The following PRKCA variants were observed in gnomAD, a reference collection of about 807,000 sequenced individuals.
PRKCA encodes protein kinase C alpha type.
In PRKCA, 27 loss-of-function variants were observed where a neutral mutation model predicts 87.0. The observed-to-expected ratio is 0.31, with a 90% confidence interval of 0.23 to 0.43. The LOEUF is 0.43. Among genes scored for constraint, PRKCA ranks in the 20% least tolerant of loss-of-function variants. The probability of loss-of-function intolerance (pLI) is 1.00; values close to 1 mark genes in which losing one functional copy is unlikely to be tolerated. For synonymous variants in PRKCA, 329 were observed against 311.1 expected (o/e 1.06, Z -0.61); for missense variants, 518 against 852.3 (o/e 0.61, Z 4.88).
intron 3 of PRKCA, among the ~76,000 whole-genome samples, chr17:66,579,501 C>T (rs1431008707): frequency 6.6e-6 from 1 of 152,204 alleles, no homozygotes; most frequent in Non-Finnish European, 1.5e-5. Flanking sequence ...ATCACGTCCT[C>T]ATACGACACT....
At chr17:66,519,357 G>T (rs147405073) in intron 3 of PRKCA, among the ~76,000 whole-genome samples, 1 of 152,146 alleles carries the variant, frequency 6.6e-6, no homozygotes, top group Non-Finnish European at 1.5e-5. Context: ...GTTTTTATTA[G>T]CAAGTTTATA....
At chr17:66,620,959 A>C (rs1456664607) in intron 3 of PRKCA, among the ~76,000 whole-genome samples, 2 of 152,222 alleles carry the variant, frequency 1.3e-5, no homozygotes, top group Non-Finnish European at 2.9e-5. Flanking sequence ...CAATGGGGTA[A>C]AAATAAGTCT....
chr17:66,607,765 G>T (rs1026475924), intron 3 of PRKCA, among the ~76,000 whole-genome samples: 7 of 152,096 alleles, frequency 4.6e-5, no homozygotes, highest in African/African-American at 1.4e-4. Flanking sequence ...AGATTCCAAC[G>T]TGCAGGGTTT....
intron 2 of PRKCA, among the ~76,000 whole-genome samples, chr17:66,404,711 C>CCCATGCTG (rs1402084127): frequency 7.0e-6 from 1 of 143,284 alleles, no homozygotes; most frequent in Admixed American, 7.1e-5. Flanking sequence ...TCCACACACT[C>CCCATGCTG]CCATGCTGGC....
chr17:66,533,046 C>T (rs569776194), intron 3 of PRKCA, among the ~76,000 whole-genome samples: 2 of 152,288 alleles, frequency 1.3e-5, no homozygotes, highest in African/African-American at 4.8e-5. Flanking sequence ...ACACTTCAGT[C>T]CTTTGGAAGT....
At chr17:66,606,861 G>T (rs1219098527) in intron 3 of PRKCA, among the ~76,000 whole-genome samples, 4 of 151,820 alleles carry the variant, frequency 2.6e-5, no homozygotes, top group African/African-American at 9.7e-5. Context: ...CATTTATGTG[G>T]TCATTTAAAA....
chr17:66,423,327 G>A (rs1041471546), intron 2 of PRKCA, among the ~76,000 whole-genome samples: 1 of 152,148 alleles, frequency 6.6e-6, no homozygotes, highest in South Asian at 2.1e-4. Flanking sequence ...ATGCACCATA[G>A]TGAAAAGTTG....
At chr17:66,307,076 T>A (rs1904854460) in intron 2 of PRKCA, among the ~76,000 whole-genome samples, 1 of 152,184 alleles carries the variant, frequency 6.6e-6, no homozygotes, top group Non-Finnish European at 1.5e-5. Context: ...AGTAAATTGG[T>A]TGCCTTTTAA....
chr17:66,531,938 A>G (rs1402009804), intron 3 of PRKCA, among the ~76,000 whole-genome samples: 1 of 152,118 alleles, frequency 6.6e-6, no homozygotes, highest in Non-Finnish European at 1.5e-5. Flanking sequence ...TTTCCCAGAG[A>G]GGAGCTGTGT....
chr17:66,325,459 TA>T (rs950924081), intron 2 of PRKCA, among the ~76,000 whole-genome samples: 2 of 151,724 alleles, frequency 1.3e-5, no homozygotes, highest in African/African-American at 2.4e-5. Flanking sequence ...CGCCCCACTT[TA>T]AAAAAAAATC....
At chr17:66,508,691 C>G (rs1917082542) in intron 3 of PRKCA, among the ~76,000 whole-genome samples, 1 of 152,160 alleles carries the variant, frequency 6.6e-6, no homozygotes, top group Non-Finnish European at 1.5e-5. Flanking sequence ...TTTCCAAGTG[C>G]TACGAGTTCT....
At chr17:66,743,203 G>A (rs8075211) in intron 13 of PRKCA, among the ~76,000 whole-genome samples, 38,551 of 152,020 alleles carry the variant, frequency 0.25, 5,620 homozygotes, top group African/African-American at 0.39. Context: ...GTGCACACCT[G>A]TAATACCTAG....
chr17:66,620,555 AT>A (rs1416420701), intron 3 of PRKCA, among the ~76,000 whole-genome samples: 14 of 152,308 alleles, frequency 9.2e-5, no homozygotes. Flanking sequence ...TAAACATGTC[AT>A]TTCAACAAAG....
chr17:66,522,837 C>T (rs1430008878), intron 3 of PRKCA, among the ~76,000 whole-genome samples: 1 of 151,378 alleles, frequency 6.6e-6, no homozygotes, highest in East Asian at 1.9e-4. Context: ...GAAGCCAGGC[C>T]CCAAAGGAAG....
At chr17:66,357,873 G>A (rs536143998) in intron 2 of PRKCA, among the ~76,000 whole-genome samples, 23 of 152,220 alleles carry the variant, frequency 1.5e-4, no homozygotes, top group Admixed American at 1.1e-3. Flanking sequence ...GATTCTAAAC[G>A]GTACCTTGGA....
chr17:66,527,393 T>C (rs1967382618), intron 3 of PRKCA, among the ~76,000 whole-genome samples: 1 of 152,204 alleles, frequency 6.6e-6, no homozygotes, highest in Non-Finnish European at 1.5e-5. Flanking sequence ...AGGCGACAAA[T>C]TGCAGATTAG....
At chr17:66,582,413 G>A (rs1969470909) in intron 3 of PRKCA, among the ~76,000 whole-genome samples, 1 of 152,158 alleles carries the variant, frequency 6.6e-6, no homozygotes, top group African/African-American at 2.4e-5. Context: ...GTGGTGCCAG[G>A]TGGAGATAAT....
intron 5 of PRKCA, among the ~76,000 whole-genome samples, chr17:66,664,777 C>T (rs1319348640): frequency 1.3e-5 from 2 of 151,162 alleles, no homozygotes; most frequent in Non-Finnish European, 2.9e-5. Flanking sequence ...CTGCCTCAGC[C>T]CCTGTAGCTG....
In PRKCA at chr17:66,738,852, C is replaced by T. The variant is rs780913123; in HGVS notation, c.1319C>T (p.Ala440Val). ...GTAGGAAAATTTAAGGAACCACAAG[C>T]AGTGTGAGTATTATTTTTTAAGTCC... is the stretch of plus-strand genomic sequence containing the variant. ...QQVGKFKEPQ[A>V]VFYAAEISIG... The change falls in exon 11 of 17, where the codon GCA (alanine) becomes GTA (valine). Residue 440 changes from alanine (A) to valine (V), a missense_variant. Ala to Val is a moderately conservative substitution (Grantham distance 64, BLOSUM62 0). This residue lies in a region of PRKCA where 300 missense variants were observed against 496.8 expected (regional missense o/e 0.60). Transcript: ENST00000413366. The T allele has an allele frequency of 1.6e-5, 26 of 1,609,960 alleles. No homozygotes were observed. Among genetic ancestry groups the T allele is most frequent in the Non-Finnish European group, 9.4e-6 (11 of 1,176,368 alleles).
Sources: allele counts gnomAD v4.1 joint callset (sites outside exome capture counted in the v4.1 genomes callset), GRCh38; gene constraint gnomAD v4.1.1; regional missense constraint gnomAD v4.1.1; transcripts MANE v1.5; gene names NCBI Gene and HGNC (gene_info 2026-07-23, HGNC 2026-07-21).